The following NDRG3 variants were observed in gnomAD, a reference collection of about 807,000 sequenced individuals.
NDRG3 encodes the protein NDRG family member 3, also known as protein NDRG3.
NDRG3 carries 23 observed loss-of-function variants against 57.2 expected under a neutral mutation model. The ratio of observed to expected loss-of-function variants is 0.40; its 90% CI spans 0.29 to 0.57. The LOEUF (loss-of-function observed/expected upper bound fraction) is 0.57. Ranked by LOEUF, NDRG3 falls within the 20% of genes least tolerant of loss-of-function variation. NDRG3 has a pLI of 0.42. For missense variants in NDRG3, 384 were observed against 457.3 expected (o/e 0.84, Z 1.46); for synonymous variants, 132 against 162.6 (o/e 0.81, Z 1.43).
chr20:36,725,045 C>G (rs1320638197), intron 1 of NDRG3, among the ~76,000 whole-genome samples: 1 of 152,158 alleles, frequency 6.6e-6, no homozygotes, highest in East Asian at 1.9e-4. Flanking sequence ...CCTGTAATCC[C>G]AGCACTTTGG....
intron 2 of NDRG3, among the ~76,000 whole-genome samples, chr20:36,714,994 GTGTGTGTGTGTGTATA>G (rs1411501291): frequency 5.6e-5 from 3 of 53,526 alleles, no homozygotes. Context: ...GTGTGTGTGT[GTGTGTGTGTGTGTATA>G]TATATATATA....
intron 9 of NDRG3, 27 bp from the exon 10 acceptor site, chr20:36,666,419 T>C (rs754238763): frequency 6.6e-7 from 1 of 1,518,048 alleles, no homozygotes; most frequent in Non-Finnish European, 9.2e-7. Flanking sequence ...AAGACATGGG[T>C]AAGCTTCTGA....
chr20:36,713,689 T>G (rs1984056151), intron 2 of NDRG3, among the ~76,000 whole-genome samples: 2 of 152,240 alleles, frequency 1.3e-5, no homozygotes, highest in Non-Finnish European at 1.5e-5. Context: ...GGTCCATTTC[T>G]GATTCACCAT....
intron 1 of NDRG3, among the ~76,000 whole-genome samples, chr20:36,744,692 A>AT (rs965925817): frequency 3.9e-5 from 6 of 152,186 alleles, no homozygotes; most frequent in African/African-American, 1.4e-4. Flanking sequence ...ATAGCTGTTC[A>AT]TTTGGAACTT....
intron 12 of NDRG3, among the ~76,000 whole-genome samples, chr20:36,661,175 C>A (rs773662168): frequency 4.6e-5 from 7 of 152,186 alleles, no homozygotes; most frequent in Non-Finnish European, 8.8e-5. Flanking sequence ...TATATCCTCA[C>A]TCTTTTCTAT....
At chr20:36,711,619 C>A (rs1480177076) in intron 2 of NDRG3, among the ~76,000 whole-genome samples, 5 of 152,136 alleles carry the variant, frequency 3.3e-5, no homozygotes, top group Non-Finnish European at 7.4e-5. Flanking sequence ...CACAAAGGGG[C>A]ATGCCAAAAG....
At chr20:36,654,548 C>A (rs1978482730) in intron 15 of NDRG3, among the ~76,000 whole-genome samples, 1 of 152,162 alleles carries the variant, frequency 6.6e-6, no homozygotes, top group African/African-American at 2.4e-5. Flanking sequence ...GGAAGATGGG[C>A]CCTGCCTATC....
chr20:36,693,105 AATATATATATATATATATAT>A (rs1290033865), intron 3 of NDRG3, among the ~76,000 whole-genome samples: 662 of 25,842 alleles, frequency 0.026, 29 homozygotes, highest in African/African-American at 0.096. Context: ...AAAAAAAAAA[AATATATATATATATATATAT>A]ATATATATAT....
chr20:36,687,369 C>G, intron 5 of NDRG3, 123 bp downstream of exon 5: 1 of 1,225,592 alleles, frequency 8.2e-7, no homozygotes, highest in Non-Finnish European at 1.1e-6. Context: ...GATGGTTGGT[C>G]AATAAGCATA....
At chr20:36,655,149 C>T (rs1013829498) in intron 15 of NDRG3, among the ~76,000 whole-genome samples, 4 of 152,246 alleles carry the variant, frequency 2.6e-5, no homozygotes, top group African/African-American at 9.6e-5. Context: ...GGGCCTCCTG[C>T]TCCTCCCAGT....
chr20:36,661,863 C>G (rs185146712), intron 12 of NDRG3, among the ~76,000 whole-genome samples: 1 of 152,088 alleles, frequency 6.6e-6, no homozygotes, highest in Non-Finnish European at 1.5e-5. Context: ...CTGGGGATTG[C>G]GGGTAGGCAG....
At chr20:36,672,984 C>T (rs1980315596) in intron 8 of NDRG3, among the ~76,000 whole-genome samples, 1 of 152,014 alleles carries the variant, frequency 6.6e-6, no homozygotes, top group African/African-American at 2.4e-5. Flanking sequence ...CGGCCTCAGC[C>T]ACCCAAGTAG....
intron 2 of NDRG3, among the ~76,000 whole-genome samples, chr20:36,712,699 G>T (rs1983997398): frequency 7.2e-6 from 1 of 139,506 alleles, no homozygotes; most frequent in Admixed American, 7.7e-5. Context: ...AAGTTCCATC[G>T]ATTCTCCTGC....
At chr20:36,686,567 G>A (rs1018317139) in intron 5 of NDRG3, among the ~76,000 whole-genome samples, 1 of 152,200 alleles carries the variant, frequency 6.6e-6, no homozygotes, top group Non-Finnish European at 1.5e-5. Flanking sequence ...ATTCCACAGA[G>A]TGTGTGCTCA....
At chr20:36,737,413 T>C (rs1278834326) in intron 1 of NDRG3, among the ~76,000 whole-genome samples, 1 of 152,108 alleles carries the variant, frequency 6.6e-6, no homozygotes, top group Non-Finnish European at 1.5e-5. Flanking sequence ...TAAGGCAGCC[T>C]GAGTGAGGTA....
intron 8 of NDRG3, among the ~76,000 whole-genome samples, chr20:36,678,870 G>A (rs1340875150): frequency 1.3e-5 from 2 of 152,256 alleles, no homozygotes; most frequent in Non-Finnish European, 2.9e-5. Context: ...AAATGTTGGT[G>A]ATGTGGAGCA....
intron 6 of NDRG3, among the ~76,000 whole-genome samples, chr20:36,683,222 T>C (rs1461489995): frequency 1.3e-5 from 2 of 151,784 alleles, no homozygotes; most frequent in Admixed American, 1.3e-4. Context: ...CCAGCCTAGG[T>C]GACAGAGTGA....
chr20:36,704,042 A>G (rs1256741679), intron 3 of NDRG3, among the ~76,000 whole-genome samples: 2 of 151,980 alleles, frequency 1.3e-5, no homozygotes, highest in African/African-American at 4.8e-5. Context: ...TTTTGCAACA[A>G]GTATGTAATC....
At chr20:36,724,805 G>A (rs750795539) in intron 1 of NDRG3, among the ~76,000 whole-genome samples, 1 of 152,014 alleles carries the variant, frequency 6.6e-6, no homozygotes, top group Non-Finnish European at 1.5e-5. Context: ...GCACACGCCT[G>A]TAATTCCAGC....
Sources: allele counts gnomAD v4.1 joint callset (sites outside exome capture counted in the v4.1 genomes callset), GRCh38; gene constraint gnomAD v4.1.1; transcripts MANE v1.5; gene names NCBI Gene and HGNC (gene_info 2026-07-23, HGNC 2026-07-21).